ERBB4: variants seen among roughly 807,000 people sequenced by gnomAD.
The protein encoded by ERBB4 is receptor tyrosine-protein kinase erbB-4.
In ERBB4, 42 loss-of-function variants were observed where a neutral mutation model predicts 158.0. The observed-to-expected ratio is 0.27, with a 90% CI of 0.21 to 0.34. The LOEUF (loss-of-function observed/expected upper bound fraction) is 0.34. ERBB4 is among the 10% of genes least tolerant of loss of function. The probability of loss-of-function intolerance (pLI) is 1.00; values close to 1 mark genes in which losing one functional copy is unlikely to be tolerated. For synonymous variants in ERBB4, 583 were observed against 558.7 expected (o/e 1.04, Z -0.61); for missense variants, 1,333 against 1,624.1 (o/e 0.82, Z 3.08).
At chr2:212,003,250 AAGGAAG>A (rs1474595028) in intron 2 of ERBB4, among the ~76,000 whole-genome samples, 1,488 of 123,604 alleles carry the variant, frequency 0.012, 120 homozygotes, top group Admixed American at 0.02. Flanking sequence ...GGAAGGAAGG[AAGGAAG>A]GAAAGAGAGA....
chr2:212,445,377 C>T (rs1042041352), intron 1 of ERBB4, among the ~76,000 whole-genome samples: 1 of 152,080 alleles, frequency 6.6e-6, no homozygotes, highest in African/African-American at 2.4e-5. Flanking sequence ...CCTGTTCCTG[C>T]GGCATTACAT....
intron 5 of ERBB4, among the ~76,000 whole-genome samples, chr2:211,749,230 T>A (rs377464979): frequency 6.6e-6 from 1 of 152,144 alleles, no homozygotes; most frequent in South Asian, 2.1e-4. Flanking sequence ...GAAAATAAGA[T>A]CTCCATTTTG....
intron 1 of ERBB4, among the ~76,000 whole-genome samples, chr2:212,462,435 T>C (rs1688622796): frequency 6.6e-6 from 1 of 152,020 alleles, no homozygotes; most frequent in Non-Finnish European, 1.5e-5. Context: ...AATTTCAAGA[T>C]GGGTAAAGTA....
At chr2:211,636,335 A>G (rs2070360724) in intron 16 of ERBB4, among the ~76,000 whole-genome samples, 1 of 152,052 alleles carries the variant, frequency 6.6e-6, no homozygotes, top group African/African-American at 2.4e-5. Flanking sequence ...AGTTTTAATC[A>G]TATGTCTACT....
At chr2:212,151,756 G>T (rs144236237) in intron 1 of ERBB4, among the ~76,000 whole-genome samples, 1 of 152,180 alleles carries the variant, frequency 6.6e-6, no homozygotes, top group East Asian at 1.9e-4. Context: ...GGGCATGGTG[G>T]CACATGCTGG....
chr2:212,400,700 A>G (rs2091177861), intron 1 of ERBB4, among the ~76,000 whole-genome samples: 1 of 152,196 alleles, frequency 6.6e-6, no homozygotes, highest in African/African-American at 2.4e-5. Context: ...TATTGAGCAA[A>G]GAGAAATGAA....
chr2:211,856,012 A>T (rs964560434), intron 3 of ERBB4, among the ~76,000 whole-genome samples: 1 of 152,198 alleles, frequency 6.6e-6, no homozygotes, highest in Non-Finnish European at 1.5e-5. Context: ...TCATGGGTAC[A>T]ACGTACCTTA....
intron 5 of ERBB4, among the ~76,000 whole-genome samples, chr2:211,733,856 G>A (rs886102481): frequency 9.9e-5 from 15 of 151,166 alleles, no homozygotes; most frequent in Non-Finnish European, 1.5e-4. Flanking sequence ...AGAGGCAGGC[G>A]GATCACTTGA....
intron 3 of ERBB4, among the ~76,000 whole-genome samples, chr2:211,931,936 A>T (rs1048625297): frequency 2.0e-5 from 3 of 152,114 alleles, no homozygotes; most frequent in Non-Finnish European, 2.9e-5. Flanking sequence ...GGCAGTTTGC[A>T]TACATTGTTT....
chr2:212,224,422 T>A (rs2083405829), intron 1 of ERBB4, among the ~76,000 whole-genome samples: 1 of 151,688 alleles, frequency 6.6e-6, no homozygotes, highest in East Asian at 1.9e-4. Flanking sequence ...TTATTTAGGG[T>A]GGGGAGTGAA....
chr2:211,918,657 C>T (rs1328031869), intron 3 of ERBB4, among the ~76,000 whole-genome samples: 1 of 152,138 alleles, frequency 6.6e-6, no homozygotes, highest in Non-Finnish European at 1.5e-5. Context: ...CCCCACATCT[C>T]TGAAGTTAGA....
At chr2:212,189,280 C>G (rs13423587) in intron 1 of ERBB4, among the ~76,000 whole-genome samples, 195 of 152,222 alleles carry the variant, frequency 1.3e-3, no homozygotes, top group African/African-American at 4.4e-3. Flanking sequence ...TTATTAGTGA[C>G]TTATTCACTG....
chr2:211,414,519 A>G (rs1450401764), intron 25 of ERBB4, among the ~76,000 whole-genome samples: 278 of 141,484 alleles, frequency 2.0e-3, no homozygotes, highest in African/African-American at 6.7e-3. Context: ...AAAAAAAAAA[A>G]AAAAGAAAAG....
intron 1 of ERBB4, among the ~76,000 whole-genome samples, chr2:212,314,320 T>C (rs558185754): frequency 7.9e-5 from 12 of 151,046 alleles, no homozygotes; most frequent in South Asian, 2.1e-4. Context: ...CAAGCACTTT[T>C]TTTCTGAACA....
At chr2:211,959,130 C>T (rs2081106865) in intron 2 of ERBB4, among the ~76,000 whole-genome samples, 2 of 152,072 alleles carry the variant, frequency 1.3e-5, no homozygotes, top group South Asian at 4.1e-4. Flanking sequence ...TCCATCCACC[C>T]ACCCATACAT....
chr2:212,334,440 T>G (rs986811000), intron 1 of ERBB4, among the ~76,000 whole-genome samples: 1 of 152,068 alleles, frequency 6.6e-6, no homozygotes, highest in Non-Finnish European at 1.5e-5. Context: ...AATAAGTGAA[T>G]GAGTGAATGC....
intron 2 of ERBB4, among the ~76,000 whole-genome samples, chr2:212,078,188 G>T (rs898683763): frequency 3.3e-5 from 5 of 151,940 alleles, no homozygotes; most frequent in African/African-American, 9.7e-5. Context: ...TCATTTTGAT[G>T]AACTAAATTT....
intron 2 of ERBB4, among the ~76,000 whole-genome samples, chr2:211,953,680 C>T (rs966529971): frequency 1.3e-5 from 2 of 151,892 alleles, no homozygotes; most frequent in African/African-American, 4.8e-5. Context: ...TAGGTTTCTA[C>T]AGTTGCTTTG....
chr2:212,002,123 A>T (rs985742268), intron 2 of ERBB4, among the ~76,000 whole-genome samples: 3 of 152,196 alleles, frequency 2.0e-5, no homozygotes, highest in Non-Finnish European at 2.9e-5. Context: ...TCACTTTCCC[A>T]CTTCCAGCTC....
Sources: allele counts gnomAD v4.1 joint callset (sites outside exome capture counted in the v4.1 genomes callset), GRCh38; gene constraint gnomAD v4.1.1; transcripts MANE v1.5; gene names NCBI Gene and HGNC (gene_info 2026-07-23, HGNC 2026-07-21).